The following SPAG16 variants were observed in gnomAD, a reference collection of about 807,000 sequenced individuals.
SPAG16 encodes sperm associated antigen 16.
Under a neutral mutation model 80.4 loss-of-function variants are expected in SPAG16, and 86 were observed. The observed-to-expected ratio is 1.07, with a 90% CI of 0.90 to 1.28. The LOEUF is 1.28. SPAG16 is among the 50% of genes most tolerant of loss of function. SPAG16 has a pLI of 0.00. For missense variants in SPAG16, 870 were observed against 765.3 expected (o/e 1.14, Z -1.61); for synonymous variants, 294 against 265.9 (o/e 1.11, Z -1.03).
intron 10 of SPAG16, among the ~76,000 whole-genome samples, chr2:213,675,088 G>C (rs979399450): frequency 6.6e-6 from 1 of 151,734 alleles, no homozygotes; most frequent in Non-Finnish European, 1.5e-5. Context: ...TAAGTGGTGT[G>C]AGATGATATC....
chr2:213,879,471 G>A (rs535173599), intron 11 of SPAG16, among the ~76,000 whole-genome samples: 8 of 151,784 alleles, frequency 5.3e-5, no homozygotes, highest in African/African-American at 1.9e-4. Flanking sequence ...TTAATTCTCA[G>A]CTTGATGATT....
At chr2:213,784,626 TAAAAAAAAAAA>T (rs71063777) in intron 10 of SPAG16, among the ~76,000 whole-genome samples, 1 of 47,902 alleles carries the variant, frequency 2.1e-5, no homozygotes, top group African/African-American at 7.0e-5. Context: ...CAATTATTTC[TAAAAAAAAAAA>T]AAAAAAAAAA....
At chr2:214,208,805 A>G (rs913408992) in intron 15 of SPAG16, among the ~76,000 whole-genome samples, 5 of 152,114 alleles carry the variant, frequency 3.3e-5, no homozygotes, top group African/African-American at 1.2e-4. Flanking sequence ...AGGGCACTTA[A>G]TCTTCCTGTG....
At position 214,143,234 on chromosome 2, in the gene SPAG16, G is replaced by GTT. The variant is rs59910884; in HGVS notation, c.1594-5886_1594-5885dup. On this transcript the variant is annotated intron_variant, in intron 14 of 15. Transcript: ENST00000331683. ...ATCACCTATTCCATCATAGTTTTGG[G>GTT]TTTTTTTTTTTTTTTTTTTTTGGTT... Among the ~76,000 whole-genome samples, 453 of 112,658 alleles carry GTT rather than the reference G, an allele frequency of 4.0e-3. 2 individuals carry two copies. The highest frequency in any genetic ancestry group is 9.9e-3 in the African/African-American group (288 of 29,084). 73.9% of individuals were successfully genotyped at this position (112,658 alleles called of 152,430 possible). A position where few individuals can be genotyped will look rare whatever the true frequency, so the allele number is the denominator to read the frequency against.
intron 11 of SPAG16, among the ~76,000 whole-genome samples, chr2:213,889,720 T>TATATATACATATATATATACATATGC (rs1559555874): frequency 1.1e-3 from 92 of 86,078 alleles, no homozygotes; most frequent in African/African-American, 2.1e-3. Flanking sequence ...TACATATGCA[T>TATATATACATATATATATACATATGC]ATATATATAC....
intron 15 of SPAG16, among the ~76,000 whole-genome samples, chr2:214,246,215 C>T (rs1365079359): frequency 6.6e-6 from 1 of 151,724 alleles, no homozygotes; most frequent in Non-Finnish European, 1.5e-5. Flanking sequence ...CCCTGGACTC[C>T]GTAGTTTACA....
chr2:213,467,854 A>C (rs1324862870), intron 9 of SPAG16, among the ~76,000 whole-genome samples: 1 of 152,196 alleles, frequency 6.6e-6, no homozygotes, highest in Non-Finnish European at 1.5e-5. Flanking sequence ...GGCAGTTGTT[A>C]AGGTGCCCTG....
chr2:214,370,045 T>C (rs1264242061), intron 15 of SPAG16, among the ~76,000 whole-genome samples: 1 of 152,148 alleles, frequency 6.6e-6, no homozygotes, highest in Admixed American at 6.5e-5. Flanking sequence ...CATTTGGTTC[T>C]TATCTCTGCA....
chr2:213,944,841 A>C (rs909553397), intron 12 of SPAG16, among the ~76,000 whole-genome samples: 2 of 152,080 alleles, frequency 1.3e-5, no homozygotes. Context: ...TTATAAAAAG[A>C]GACATGAGAT....
intron 15 of SPAG16, among the ~76,000 whole-genome samples, chr2:214,243,016 C>T (rs1689601964): frequency 6.6e-6 from 1 of 152,058 alleles, no homozygotes; most frequent in South Asian, 2.1e-4. Flanking sequence ...TGTTTTGAGT[C>T]ATAATGAAAA....
intron 10 of SPAG16, among the ~76,000 whole-genome samples, chr2:213,705,421 T>A (rs2065703950): frequency 6.6e-6 from 1 of 152,144 alleles, no homozygotes; most frequent in Non-Finnish European, 1.5e-5. Flanking sequence ...GATGAGATGG[T>A]TGCTAAAGTG....
At chr2:213,814,197 A>G (rs938098588) in intron 10 of SPAG16, among the ~76,000 whole-genome samples, 1 of 152,194 alleles carries the variant, frequency 6.6e-6, no homozygotes, top group Admixed American at 6.5e-5. Context: ...TGCAGGCTGG[A>G]AACACAGGCA....
At chr2:213,397,808 C>A (rs377092369) in intron 9 of SPAG16, among the ~76,000 whole-genome samples, 1 of 152,204 alleles carries the variant, frequency 6.6e-6, no homozygotes, top group Non-Finnish European at 1.5e-5. Flanking sequence ...TCTTCACTCC[C>A]TAGGTGATCT....
intron 9 of SPAG16, among the ~76,000 whole-genome samples, chr2:213,487,664 T>C (rs1465554385): frequency 1.3e-5 from 2 of 152,152 alleles, no homozygotes; most frequent in Non-Finnish European, 2.9e-5. Context: ...CTCTACTAAG[T>C]AGGCAGCAGG....
At chr2:214,381,978 G>T (rs1376517892) in intron 15 of SPAG16, among the ~76,000 whole-genome samples, 1 of 152,156 alleles carries the variant, frequency 6.6e-6, no homozygotes, top group Non-Finnish European at 1.5e-5. Context: ...ACTTGGATTT[G>T]TTCCTTGGGC....
intron 15 of SPAG16, among the ~76,000 whole-genome samples, chr2:214,294,893 G>T (rs547063633): frequency 6.6e-6 from 1 of 152,238 alleles, no homozygotes; most frequent in African/African-American, 2.4e-5. Context: ...TTAGTATGTA[G>T]CCAACATTAA....
At chr2:213,747,978 A>G (rs1444498150) in intron 10 of SPAG16, among the ~76,000 whole-genome samples, 2 of 152,208 alleles carry the variant, frequency 1.3e-5, no homozygotes, top group Non-Finnish European at 2.9e-5. Context: ...TCAGGGTTCT[A>G]TAGCAATTAA....
chr2:213,350,709 G>A, intron 7 of SPAG16, 64 bp downstream of exon 7: 1 of 867,262 alleles, frequency 1.2e-6, no homozygotes, highest in South Asian at 2.2e-5. Flanking sequence ...AATACAAGTA[G>A]AAATACTGAT....
chr2:214,398,807 T>C (rs1466369241), intron 15 of SPAG16, among the ~76,000 whole-genome samples: 3 of 152,196 alleles, frequency 2.0e-5, no homozygotes, highest in Non-Finnish European at 2.9e-5. Context: ...GGCTGCAGGA[T>C]AGAGGAAATT....
Sources: gnomAD v4.1 joint callset for allele counts (sites outside exome capture counted in the v4.1 genomes callset) on GRCh38, gnomAD v4.1.1 for gene constraint, MANE v1.5 for transcripts, NCBI Gene and HGNC (gene_info 2026-07-23, HGNC 2026-07-21) for gene names.